The following DPP6 variants were observed in gnomAD, a reference collection of about 807,000 sequenced individuals.
DPP6 encodes A-type potassium channel modulatory protein DPP6.
Under a neutral mutation model 122.6 loss-of-function variants are expected in DPP6, and 69 were observed. The observed-to-expected ratio is 0.56, with a 90% CI of 0.46 to 0.69. The LOEUF (loss-of-function observed/expected upper bound fraction) is 0.69, where lower values mean the gene tolerates loss of function less well. Among genes scored for constraint, DPP6 ranks in the 30% least tolerant of loss-of-function variants. The pLI is 0.00. For missense variants in DPP6, 928 were observed against 1,116.9 expected (o/e 0.83, Z 2.41); for synonymous variants, 418 against 433.1 (o/e 0.97, Z 0.43).
At chr7:154,808,473 G>T (rs1008605507) in intron 16 of DPP6, among the ~76,000 whole-genome samples, 1 of 152,148 alleles carries the variant, frequency 6.6e-6, no homozygotes, top group African/African-American at 2.4e-5. Flanking sequence ...TGTGTCCCAA[G>T]AAGGAGGCCA....
rs532845060 is a variant in DPP6, at chr7:154,371,192, A to ACATGG, written c.244-75019_244-75015dup. ...TAGGAGTTTAAGACCAGCCTGGCCA[A>ACATGG]CATGGCAAAACCCTGTGTCTACTAA... On this transcript the variant is annotated intron_variant, in intron 1 of 25. Coordinates refer to ENST00000377770, the MANE Select transcript of DPP6 (RefSeq NM_130797.4). Among the ~76,000 whole-genome samples, 154 of 152,118 alleles carry ACATGG rather than the reference A, an allele frequency of 1.0e-3. 2 individuals carry two copies. Among genetic ancestry groups the ACATGG allele is most frequent in the African/African-American group, 3.6e-3 (149 of 41,476 alleles).
intron 8 of DPP6, among the ~76,000 whole-genome samples, chr7:154,743,176 A>G (rs1261799019): frequency 6.6e-6 from 1 of 152,164 alleles, no homozygotes; most frequent in Non-Finnish European, 1.5e-5. Context: ...TCTCCAGCGC[A>G]TTTTGGATGT....
At chr7:154,867,268 G>C (rs1207977717) in intron 17 of DPP6, among the ~76,000 whole-genome samples, 2 of 152,208 alleles carry the variant, frequency 1.3e-5, no homozygotes, top group African/African-American at 4.8e-5. Context: ...TTCAGTACAT[G>C]AACGGAGAGT....
intron 1 of DPP6, among the ~76,000 whole-genome samples, chr7:154,325,894 A>G (rs932631262): frequency 7.2e-5 from 11 of 152,064 alleles, no homozygotes; most frequent in African/African-American, 2.7e-4. Flanking sequence ...ACTTTTTTGG[A>G]GGTTTTGTTG....
chr7:153,962,159 C>T (rs973417581), intron 1 of DPP6, among the ~76,000 whole-genome samples: 12 of 151,738 alleles, frequency 7.9e-5, no homozygotes, highest in African/African-American at 2.9e-4. Flanking sequence ...CTTACAAGAG[C>T]CTGAATGGAT....
intron 5 of DPP6, among the ~76,000 whole-genome samples, chr7:154,590,032 G>T (rs1832709070): frequency 1.3e-5 from 2 of 152,148 alleles, no homozygotes; most frequent in Non-Finnish European, 2.9e-5. Flanking sequence ...TGGGAAGAGG[G>T]GATGCAGAGG....
chr7:154,822,793 T>A (rs1176637957), intron 16 of DPP6, among the ~76,000 whole-genome samples: 1 of 152,156 alleles, frequency 6.6e-6, no homozygotes, highest in Non-Finnish European at 1.5e-5. Context: ...CTGCTCTTCA[T>A]CCTGTTTTCT....
At chr7:154,374,911 C>T (rs547695279) in intron 1 of DPP6, among the ~76,000 whole-genome samples, 26 of 152,256 alleles carry the variant, frequency 1.7e-4, no homozygotes, top group African/African-American at 6.0e-4. Flanking sequence ...CGCGCCCGGC[C>T]GACATTATAG....
intron 1 of DPP6, among the ~76,000 whole-genome samples, chr7:154,156,309 A>G (rs1796677830): frequency 6.6e-6 from 1 of 152,184 alleles, no homozygotes; most frequent in African/African-American, 2.4e-5. Flanking sequence ...ATTTTGGATG[A>G]CTCAAATTGC....
intron 20 of DPP6, among the ~76,000 whole-genome samples, chr7:154,878,613 TC>T (rs1191669917): frequency 2.0e-5 from 3 of 151,972 alleles, no homozygotes; most frequent in East Asian, 1.9e-4. Context: ...CTCCCACAGT[TC>T]CCCCGTCCAC....
chr7:154,264,246 T>C (rs1803227579), intron 1 of DPP6, among the ~76,000 whole-genome samples: 1 of 152,148 alleles, frequency 6.6e-6, no homozygotes, highest in Non-Finnish European at 1.5e-5. Context: ...TGAAAAGACA[T>C]AGAATATTGA....
intron 1 of DPP6, among the ~76,000 whole-genome samples, chr7:154,365,851 G>C (rs985194678): frequency 2.0e-5 from 3 of 152,118 alleles, no homozygotes; most frequent in East Asian, 1.9e-4. Flanking sequence ...CCAGCTACTC[G>C]GGAGGCTGAA....
intron 1 of DPP6, among the ~76,000 whole-genome samples, chr7:154,413,585 A>G (rs555160192): frequency 1.6e-4 from 25 of 152,294 alleles, no homozygotes; most frequent in African/African-American, 5.8e-4. Context: ...TGGGACATTT[A>G]TTTCGTATTG....
intron 1 of DPP6, among the ~76,000 whole-genome samples, chr7:153,891,944 T>C (rs1188164586): frequency 1.3e-5 from 2 of 152,114 alleles, no homozygotes; most frequent in Non-Finnish European, 2.9e-5. Context: ...AATCCCACTG[T>C]TGATTGTTGT....
chr7:154,147,449 CCTTCCTT>C (rs1381918604), intron 1 of DPP6, among the ~76,000 whole-genome samples: 3 of 14,736 alleles, frequency 2.0e-4, no homozygotes, highest in Non-Finnish European at 5.9e-4. Context: ...TTATTCATTT[CCTTCCTT>C]CCTTCCTTCC....
At chr7:154,841,984 C>G (rs369868565) in intron 16 of DPP6, among the ~76,000 whole-genome samples, 1 of 152,100 alleles carries the variant, frequency 6.6e-6, no homozygotes, top group Non-Finnish European at 1.5e-5. Flanking sequence ...ATGCTGTCCT[C>G]GGAACAAATA....
chr7:154,021,057 C>CA (rs1798674134), intron 1 of DPP6, among the ~76,000 whole-genome samples: 1 of 152,166 alleles, frequency 6.6e-6, no homozygotes. Flanking sequence ...GGAATAGCAT[C>CA]ATTCCACCAA....
chr7:154,588,811 G>A (rs1275491919), intron 5 of DPP6, among the ~76,000 whole-genome samples: 1 of 151,680 alleles, frequency 6.6e-6, no homozygotes, highest in African/African-American at 2.4e-5. Context: ...TAGCTTAGTG[G>A]GTAAACATTT....
chr7:154,676,723 A>T (rs1304360561), intron 7 of DPP6, among the ~76,000 whole-genome samples: 1 of 152,264 alleles, frequency 6.6e-6, no homozygotes, highest in South Asian at 2.1e-4. Flanking sequence ...TTTAAGGTGT[A>T]CACAGGCCCA....
Sources: gnomAD v4.1 joint callset for allele counts (sites outside exome capture counted in the v4.1 genomes callset) on GRCh38, gnomAD v4.1.1 for gene constraint, MANE v1.5 for transcripts, NCBI Gene and HGNC (gene_info 2026-07-23, HGNC 2026-07-21) for gene names.